The following IFFO2 variants were observed in gnomAD, a reference collection of about 807,000 sequenced individuals.
IFFO2 encodes intermediate filament family orphan 2.
Under a neutral mutation model 53.5 loss-of-function variants are expected in IFFO2, and 19 were observed. The ratio of observed to expected loss-of-function variants is 0.36; its 90% CI spans 0.25 to 0.52. The LOEUF (loss-of-function observed/expected upper bound fraction) is 0.52. Among genes scored for constraint, IFFO2 ranks in the 20% least tolerant of loss-of-function variants. The pLI, the probability that IFFO2 is intolerant of heterozygous loss-of-function variation, is 0.94. For missense variants in IFFO2, 570 were observed against 727.4 expected, an observed-to-expected ratio of 0.78 and a Z score of 2.49; for synonymous variants, 303 against 313.6, an observed-to-expected ratio of 0.97 and a Z score of 0.36.
intron 1 of IFFO2, among the ~76,000 whole-genome samples, chr1:18,926,033 A>G (rs376178987): frequency 7.2e-6 from 1 of 139,002 alleles, no homozygotes; most frequent in Admixed American, 7.1e-5. Context: ...GGATGGATGG[A>G]TGGATGGATG....
At chr1:18,940,834 A>G (rs1214766641) in intron 1 of IFFO2, among the ~76,000 whole-genome samples, 1 of 152,180 alleles carries the variant, frequency 6.6e-6, no homozygotes, top group Non-Finnish European at 1.5e-5. Context: ...AATACGCAAC[A>G]CGTGCTCAAA....
At chr1:18,948,553 A>G (rs1251467069) in intron 1 of IFFO2, among the ~76,000 whole-genome samples, 2 of 152,210 alleles carry the variant, frequency 1.3e-5, no homozygotes, top group African/African-American at 4.8e-5. Context: ...AGAATGAGAA[A>G]CCACATCCTG....
chr1:18,922,041 T>C (rs902011983), intron 1 of IFFO2, among the ~76,000 whole-genome samples: 2 of 152,076 alleles, frequency 1.3e-5, no homozygotes, highest in South Asian at 2.1e-4. Context: ...ACCTATGACG[T>C]AGGCACCGTC....
At chr1:18,921,523 G>A (rs1324349094) in intron 1 of IFFO2, among the ~76,000 whole-genome samples, 1 of 152,206 alleles carries the variant, frequency 6.6e-6, no homozygotes, top group Non-Finnish European at 1.5e-5. Flanking sequence ...TCCACTCTCA[G>A]GCTGTTCTTT....
chr1:18,917,073 T>C lies in IFFO2; in HGVS notation c.964-31A>G, dbSNP rs1557640035. The C allele has an allele frequency of 1.0e-5, 16 of 1,550,408 alleles. No individual in the cohort carries two copies. Among genetic ancestry groups the C allele is most frequent in the Non-Finnish European group, 1.4e-5 (16 of 1,146,048 alleles). On this transcript the variant is annotated intron_variant, in intron 4 of 8. Transcript: ENST00000455833. The surrounding 1 kb of genome is among the most constrained non-coding windows in gnomAD (Gnocchi z 5.9). Reference sequence around the variant, plus strand: ...CCGGAAAGGAAGCAATCAAGGTAACTGGGGGGCTCGGCTAGGATGGAAGGT... The same window carrying C: ...CCGGAAAGGAAGCAATCAAGGTAACCGGGGGGCTCGGCTAGGATGGAAGGT...
chr1:18,924,136 G>A (rs961946458), intron 1 of IFFO2, among the ~76,000 whole-genome samples: 6 of 152,202 alleles, frequency 3.9e-5, no homozygotes, highest in African/African-American at 1.4e-4. Context: ...CGGTGGTGGA[G>A]AAAACCTGGC....
At chr1:18,921,267 G>A (rs1936212536) in intron 1 of IFFO2, 146 bp from the exon 2 acceptor site, 1 of 711,856 alleles carries the variant, frequency 1.4e-6, no homozygotes, top group African/African-American at 1.7e-5. Flanking sequence ...CCTGCCCTCT[G>A]GGAGCTCCCA....
intron 1 of IFFO2, among the ~76,000 whole-genome samples, chr1:18,935,042 GAGA>G (rs1936427016): frequency 6.6e-6 from 1 of 152,214 alleles, no homozygotes; most frequent in South Asian, 2.1e-4. Flanking sequence ...ACGTGTTAGA[GAGA>G]ACGCTCTCTG....
chr1:18,924,028 C>T (rs1012937957), intron 1 of IFFO2, among the ~76,000 whole-genome samples: 7 of 152,212 alleles, frequency 4.6e-5, no homozygotes, highest in Admixed American at 1.3e-4. Context: ...GGGAGGCAGC[C>T]GGCTGGCCTG....
Position 18,911,399 on chromosome 1 carries a change from C to G in IFFO2, c.1302G>C (p.Thr434=). 1 of 1,519,342 alleles carries G rather than the reference C, an allele frequency of 6.6e-7. No individual in the cohort carries two copies. The highest frequency in any genetic ancestry group is 1.3e-5 in the South Asian group (1 of 78,316). 94.1% of individuals were successfully genotyped at this position (1,519,342 alleles called of 1,614,324 possible). A position where few individuals can be genotyped will look rare whatever the true frequency, so the allele number is the denominator to read the frequency against. ...FKTRDKEYQE[T]IGQIELELAT... ...GAGCCCTCACCTCGATCTGACCTAT[C>G]GTTTCCTGGTACTCCTTGTCTCTCG... The change falls in exon 7 of 9, where the codon ACG becomes ACC. Residue 434 remains threonine, a synonymous_variant. Coordinates refer to ENST00000455833, the MANE Select transcript of IFFO2 (RefSeq NM_001136265.2).
rs1483430363 is a variant in IFFO2, at chr1:18,928,932, C to T, written c.666-7811G>A. Among the ~76,000 whole-genome samples the T allele has an allele frequency of 2.0e-5, 3 of 152,228 alleles. No homozygotes were observed. Among genetic ancestry groups the T allele is most frequent in the Non-Finnish European group, 4.4e-5 (3 of 68,044 alleles). On this transcript the variant is annotated intron_variant, in intron 1 of 8. Coordinates refer to ENST00000455833, the MANE Select transcript of IFFO2 (RefSeq NM_001136265.2). This position sits in a 1 kb window ranked among gnomAD's most constrained non-coding sequence, Gnocchi z 4.9. ...GGAGTTATCCTGGGTGCCATCAGGG[C>T]TCTGACAGCCTGCACTCAACAGCAG...
At chr1:18,945,689 AC>A (rs1247472883) in intron 1 of IFFO2, among the ~76,000 whole-genome samples, 1 of 152,126 alleles carries the variant, frequency 6.6e-6, no homozygotes, top group Non-Finnish European at 1.5e-5. Context: ...GACAGGCCCC[AC>A]CCCCAGCACA....
intron 1 of IFFO2, among the ~76,000 whole-genome samples, chr1:18,939,694 G>A (rs572793012): frequency 1.1e-3 from 171 of 152,284 alleles, no homozygotes; most frequent in African/African-American, 3.8e-3. Flanking sequence ...AAGAGGGTAC[G>A]CAGCAAGGTA....
intron 1 of IFFO2, among the ~76,000 whole-genome samples, chr1:18,951,591 C>T (rs1443520009): frequency 2.0e-5 from 3 of 152,150 alleles, no homozygotes; most frequent in East Asian, 1.9e-4. Flanking sequence ...CTACTAGCGC[C>T]GGGCAACTTC....
intron 1 of IFFO2, among the ~76,000 whole-genome samples, chr1:18,954,286 C>G (rs1031390431): frequency 3.3e-5 from 5 of 152,228 alleles, no homozygotes. Context: ...TCCCAAAGAG[C>G]ATCACCATCC....
At chr1:18,924,511 G>C (rs1240985845) in intron 1 of IFFO2, among the ~76,000 whole-genome samples, 1 of 152,146 alleles carries the variant, frequency 6.6e-6, no homozygotes, top group Non-Finnish European at 1.5e-5. Context: ...ACCTACTTTG[G>C]ATCAGCGGTT....
chr1:18,955,947 G>A lies in IFFO2; in HGVS notation c.386C>T (p.Ala129Val). The change falls in exon 1 of 9, where the codon GCG becomes GTG. Residue 129 changes from alanine (A) to valine (V), a missense_variant. Transcript: ENST00000455833. Reference protein sequence around the residue: ...PGGGHGLSSGAAAGANANAVA... With the variant: ...PGGGHGLSSGVAAGANANAVA... Reference sequence around the variant, plus strand: ...GGCATTGGCGTTGGCGCCGGCCGCCGCGCCACTGCTGAGGCCGTGCCCGCC... The same window carrying A: ...GGCATTGGCGTTGGCGCCGGCCGCCACGCCACTGCTGAGGCCGTGCCCGCC... 1 of 1,263,464 alleles carries A rather than the reference G, an allele frequency of 7.9e-7. No homozygotes were observed. Among genetic ancestry groups the A allele is most frequent in the South Asian group, 2.8e-5 (1 of 35,664 alleles). 78.3% of individuals were successfully genotyped at this position (1,263,464 alleles called of 1,614,324 possible). A position where few individuals can be genotyped will look rare whatever the true frequency, so the allele number is the denominator to read the frequency against.
chr1:18,926,610 A>G, intron 1 of IFFO2, among the ~76,000 whole-genome samples: 1 of 152,136 alleles, frequency 6.6e-6, no homozygotes, highest in East Asian at 1.9e-4. Context: ...CGCATTCCTG[A>G]GGAGCCACCA....
rs767602609 is a variant in IFFO2, at chr1:18,908,149, G to A, written c.*412C>T. The A allele has an allele frequency of 7.6e-5, 16 of 211,382 alleles. No individual in the cohort carries two copies. Among genetic ancestry groups the A allele is most frequent in the Non-Finnish European group, 1.4e-4 (14 of 101,592 alleles). The allele number at this position is 211,382 out of a possible 1,614,324, so 13.1% of individuals were successfully genotyped here. ...GGCCAATCAGAGGAGCAGGTGGGAC[G>A]GACGGCAGAAACCACATTACACCAC... On this transcript the variant is annotated 3_prime_UTR_variant, in exon 9 of 9. Transcript: ENST00000455833.
Sources: allele counts gnomAD v4.1 joint callset (sites outside exome capture counted in the v4.1 genomes callset), GRCh38; gene constraint gnomAD v4.1.1; non-coding constraint Gnocchi (gnomAD v3.1); transcripts MANE v1.5; gene names NCBI Gene and HGNC (gene_info 2026-07-23, HGNC 2026-07-21).